DPYD: variants seen among roughly 807,000 people sequenced by gnomAD.
The protein encoded by DPYD is dihydropyrimidine dehydrogenase [NADP(+)].
Under a neutral mutation model 116.2 loss-of-function variants are expected in DPYD, and 109 were observed. The ratio of observed to expected loss-of-function variants is 0.94; its 90% confidence interval spans 0.80 to 1.10. The LOEUF is 1.10. Ranked by LOEUF, DPYD falls within the 50% of genes least tolerant of loss-of-function variation. The probability of loss-of-function intolerance (pLI) is 0.00; values close to 1 mark genes in which losing one functional copy is unlikely to be tolerated. For synonymous variants in DPYD, 440 were observed against 432.0 expected, an observed-to-expected ratio of 1.02 and a Z score of -0.23; for missense variants, 1,302 against 1,254.5, an observed-to-expected ratio of 1.04 and a Z score of -0.57.
chr1:97,889,105 C>T (rs1023152089), intron 1 of DPYD, among the ~76,000 whole-genome samples: 3 of 151,688 alleles, frequency 2.0e-5, no homozygotes, highest in Admixed American at 6.6e-5. Flanking sequence ...TACAATGAGC[C>T]GAGATCACGC....
intron 20 of DPYD, among the ~76,000 whole-genome samples, chr1:97,183,391 CCT>C (rs1271935265): frequency 6.6e-6 from 1 of 151,924 alleles, no homozygotes; most frequent in Non-Finnish European, 1.5e-5. Flanking sequence ...CTTTTGCACC[CCT>C]GTCAAAAATC....
chr1:97,342,449 A>G (rs1669634279), intron 16 of DPYD, among the ~76,000 whole-genome samples: 1 of 152,176 alleles, frequency 6.6e-6, no homozygotes, highest in African/African-American at 2.4e-5. Context: ...TTTCTAGAAA[A>G]TCACTGAAAC....
intron 20 of DPYD, among the ~76,000 whole-genome samples, chr1:97,150,509 G>T (rs1041833794): frequency 6.6e-6 from 1 of 152,152 alleles, no homozygotes; most frequent in Non-Finnish European, 1.5e-5. Context: ...AATATAATTT[G>T]CTTGGGCAAC....
At chr1:97,832,597 G>A (rs1240030234) in intron 2 of DPYD, among the ~76,000 whole-genome samples, 1 of 152,042 alleles carries the variant, frequency 6.6e-6, no homozygotes, top group Non-Finnish European at 1.5e-5. Flanking sequence ...TTGGGTCTGT[G>A]ACACCACCGT....
chr1:97,668,460 T>C (rs941946091), intron 8 of DPYD, among the ~76,000 whole-genome samples: 13 of 152,150 alleles, frequency 8.5e-5, no homozygotes, highest in Non-Finnish European at 4.4e-5. Context: ...AGCTATTCTA[T>C]TTATTATATT....
chr1:97,344,665 TAG>T (rs2101262520), intron 16 of DPYD, among the ~76,000 whole-genome samples: 1 of 151,864 alleles, frequency 6.6e-6, no homozygotes, highest in Non-Finnish European at 1.5e-5. Context: ...CATTAAGACA[TAG>T]AGATCTATCT....
intron 6 of DPYD, among the ~76,000 whole-genome samples, chr1:97,696,301 T>C (rs1296202559): frequency 1.3e-5 from 2 of 152,000 alleles, no homozygotes; most frequent in Non-Finnish European, 2.9e-5. Context: ...GATGGTAAAC[T>C]CAGGAAGAGA....
intron 20 of DPYD, among the ~76,000 whole-genome samples, chr1:97,114,186 CAAAG>C (rs1651800049): frequency 6.6e-6 from 1 of 152,052 alleles, no homozygotes; most frequent in Non-Finnish European, 1.5e-5. Flanking sequence ...GTGACTATCA[CAAAG>C]AAAGAGAGGT....
intron 13 of DPYD, among the ~76,000 whole-genome samples, chr1:97,471,813 C>T (rs1337066010): frequency 1.3e-5 from 2 of 152,168 alleles, no homozygotes; most frequent in Non-Finnish European, 2.9e-5. Flanking sequence ...TGGTCTCAAA[C>T]TCCTGGGCTC....
chr1:97,563,339 G>A (rs1160767778), intron 11 of DPYD, among the ~76,000 whole-genome samples: 1 of 152,058 alleles, frequency 6.6e-6, no homozygotes, highest in African/African-American at 2.4e-5. Context: ...GGTCAATAAA[G>A]CTCAGTTTAT....
intron 21 of DPYD, among the ~76,000 whole-genome samples, chr1:97,090,877 CCTGCAGTCCTTAGCACA>C (rs1428543861): frequency 6.6e-6 from 1 of 152,110 alleles, no homozygotes; most frequent in Non-Finnish European, 1.5e-5. Context: ...TTTTGAATCT[CCTGCAGTCCTTAGCACA>C]CTGCTGGTCA....
At chr1:97,200,593 C>T (rs1341326016) in intron 19 of DPYD, among the ~76,000 whole-genome samples, 2 of 152,126 alleles carry the variant, frequency 1.3e-5, no homozygotes, top group African/African-American at 4.8e-5. Context: ...TTGATAAGCA[C>T]ATATTTTGTT....
At chr1:97,440,956 A>G (rs1462257400) in intron 14 of DPYD, among the ~76,000 whole-genome samples, 1 of 152,188 alleles carries the variant, frequency 6.6e-6, no homozygotes, top group African/African-American at 2.4e-5. Context: ...GGATTTTGAA[A>G]TCTAGGTTAA....
At chr1:97,471,095 G>C (rs191901797) in intron 13 of DPYD, among the ~76,000 whole-genome samples, 1 of 152,284 alleles carries the variant, frequency 6.6e-6, no homozygotes, top group East Asian at 1.9e-4. Context: ...CAACAATGCA[G>C]AACAGGTCTA....
intron 7 of DPYD, among the ~76,000 whole-genome samples, chr1:97,682,726 G>A: frequency 6.6e-6 from 1 of 151,962 alleles, no homozygotes; most frequent in East Asian, 1.9e-4. Context: ...ATTTTGTTTG[G>A]TGTTTTTGTT....
At chr1:97,647,468 T>G (rs1424937800) in intron 8 of DPYD, among the ~76,000 whole-genome samples, 1 of 151,974 alleles carries the variant, frequency 6.6e-6, no homozygotes, top group African/African-American at 2.4e-5. Context: ...AATATACAGT[T>G]TTTATTCTAA....
intron 2 of DPYD, among the ~76,000 whole-genome samples, chr1:97,844,151 G>A (rs1277423959): frequency 6.6e-6 from 1 of 152,136 alleles, no homozygotes; most frequent in Non-Finnish European, 1.5e-5. Flanking sequence ...AATGGTAGAA[G>A]GAAAAATAGG....
intron 11 of DPYD, among the ~76,000 whole-genome samples, chr1:97,562,582 G>A (rs1454328788): frequency 2.0e-5 from 3 of 152,152 alleles, no homozygotes; most frequent in African/African-American, 7.2e-5. Context: ...CCAAATGGAT[G>A]TTAACATTAA....
rs540289003 is a variant in DPYD at position 97,351,959 on chromosome 1, A to G, written c.2058+21602T>C. Among the ~76,000 whole-genome samples the G allele has an allele frequency of 2.3e-4, 35 of 152,324 alleles. No homozygotes were observed. In the South Asian group the frequency reaches 7.2e-3, roughly 32 times the overall value. ...TAATTCAGCTACTGCAAGTATTACA[A>G]AAATTTGTAGCCATACCAGAGGTGG... On this transcript the variant is annotated intron_variant, in intron 16 of 22. Transcript: ENST00000370192.
Sources: allele counts gnomAD v4.1 joint callset (sites outside exome capture counted in the v4.1 genomes callset), GRCh38; gene constraint gnomAD v4.1.1; transcripts MANE v1.5; gene names NCBI Gene and HGNC (gene_info 2026-07-23, HGNC 2026-07-21).